The following CRISPLD2 variants were observed in gnomAD, a reference collection of about 807,000 sequenced individuals.
CRISPLD2 encodes the protein cysteine rich secretory protein LCCL domain containing 2.
Under a neutral mutation model 71.1 loss-of-function variants are expected in CRISPLD2, and 47 were observed. The observed-to-expected ratio is 0.66, with a 90% confidence interval of 0.52 to 0.84. CRISPLD2 has a LOEUF of 0.84. Ranked by LOEUF, CRISPLD2 falls within the 40% of genes least tolerant of loss-of-function variation. The pLI, the probability that CRISPLD2 is intolerant of heterozygous loss-of-function variation, is 0.00. For missense variants in CRISPLD2, 830 were observed against 651.1 expected (o/e 1.27, Z -2.99); for synonymous variants, 317 against 250.1 (o/e 1.27, Z -2.52).
intron 14 of CRISPLD2, among the ~76,000 whole-genome samples, chr16:84,889,732 G>T (rs910594208): frequency 1.3e-5 from 2 of 150,524 alleles, no homozygotes; most frequent in African/African-American, 4.9e-5. Context: ...CTTGGCGTGC[G>T]TCCTTCCGGT....
chr16:84,888,283 C>G (rs963961038), intron 13 of CRISPLD2, among the ~76,000 whole-genome samples: 121 of 152,220 alleles, frequency 7.9e-4, no homozygotes, highest in African/African-American at 2.8e-3. Flanking sequence ...CCTGTCATCC[C>G]AGCACTTTGA....
At chr16:84,872,848 A>C (rs773494107) in intron 9 of CRISPLD2, 144 bp from the exon 10 acceptor site, 168 of 1,026,474 alleles carry the variant, frequency 1.6e-4, no homozygotes, top group Non-Finnish European at 2.1e-4. Flanking sequence ...GGTTACAGAC[A>C]GAGGCGAGAG....
At chr16:84,851,079 G>A (rs917253783) in intron 5 of CRISPLD2, among the ~76,000 whole-genome samples, 13 of 152,194 alleles carry the variant, frequency 8.5e-5, no homozygotes, top group African/African-American at 2.9e-4. Flanking sequence ...TTTGCAAGAC[G>A]TCCTCTGGGA....
At chr16:84,886,626 C>T (rs1159201902) in intron 13 of CRISPLD2, among the ~76,000 whole-genome samples, 1 of 152,102 alleles carries the variant, frequency 6.6e-6, no homozygotes, top group Non-Finnish European at 1.5e-5. Context: ...AGTTTGAGAC[C>T]AGCCTGAGCA....
intron 5 of CRISPLD2, among the ~76,000 whole-genome samples, chr16:84,853,673 C>G (rs977851710): frequency 2.6e-5 from 4 of 152,230 alleles, no homozygotes; most frequent in African/African-American, 9.6e-5. Context: ...GGGCCCCTCC[C>G]CATCTTCCCT....
intron 13 of CRISPLD2, among the ~76,000 whole-genome samples, chr16:84,884,230 C>A (rs2071592567): frequency 6.6e-6 from 1 of 152,188 alleles, no homozygotes; most frequent in African/African-American, 2.4e-5. Flanking sequence ...CTCCGGGTGG[C>A]AGTCCCGCCT....
intron 2 of CRISPLD2, among the ~76,000 whole-genome samples, chr16:84,844,564 T>C (rs1916859236): frequency 6.6e-6 from 1 of 152,052 alleles, no homozygotes; most frequent in African/African-American, 2.4e-5. Context: ...GGTTTCACTA[T>C]GTTGGGCAGG....
intron 11 of CRISPLD2, among the ~76,000 whole-genome samples, chr16:84,876,713 A>AACTCAGGGGT (rs1832656994): frequency 6.6e-6 from 1 of 152,094 alleles, no homozygotes; most frequent in Admixed American, 6.6e-5. Context: ...GAATCAGTTG[A>AACTCAGGGGT]ACTCAGGGGT....
At chr16:84,886,616 A>G (rs2071616088) in intron 13 of CRISPLD2, among the ~76,000 whole-genome samples, 1 of 152,138 alleles carries the variant, frequency 6.6e-6, no homozygotes, top group Non-Finnish European at 1.5e-5. Context: ...TGAGGCCAGG[A>G]GTTTGAGACC....
chr16:84,889,503 G>C, intron 14 of CRISPLD2, 140 bp downstream of exon 14: 1 of 756,286 alleles, frequency 1.3e-6, no homozygotes, highest in East Asian at 3.2e-5. Flanking sequence ...AGGACTCCCA[G>C]GTAAGAGACT....
intron 14 of CRISPLD2, among the ~76,000 whole-genome samples, chr16:84,896,555 C>A (rs972722182): frequency 6.6e-6 from 1 of 152,078 alleles, no homozygotes; most frequent in African/African-American, 2.4e-5. Context: ...TACTAACTTC[C>A]TTGTAAAATA....
intron 8 of CRISPLD2, among the ~76,000 whole-genome samples, chr16:84,870,467 A>G (rs1225968235): frequency 2.0e-5 from 3 of 151,968 alleles, no homozygotes; most frequent in African/African-American, 7.2e-5. Context: ...CTACAGGCAC[A>G]CGCCACCATG....
intron 1 of CRISPLD2, among the ~76,000 whole-genome samples, chr16:84,837,630 GA>G (rs1916656803): frequency 6.6e-6 from 1 of 152,062 alleles, no homozygotes; most frequent in Non-Finnish European, 1.5e-5. Flanking sequence ...TGTTAGCCAG[GA>G]TGGTCTCGAT....
intron 14 of CRISPLD2, among the ~76,000 whole-genome samples, chr16:84,891,405 C>T (rs955266621): frequency 6.6e-6 from 1 of 152,150 alleles, no homozygotes; most frequent in African/African-American, 2.4e-5. Context: ...CCCGGGACCC[C>T]TGCCCGGTGA....
chr16:84,851,882 C>G (rs895663878), intron 5 of CRISPLD2, among the ~76,000 whole-genome samples: 1 of 152,254 alleles, frequency 6.6e-6, no homozygotes, highest in African/African-American at 2.4e-5. Flanking sequence ...AAAATATACT[C>G]ATCTGAAGTA....
chr16:84,841,863 G>C (rs1916780477), intron 2 of CRISPLD2: 1 of 152,440 alleles, frequency 6.6e-6, no homozygotes, highest in African/African-American at 2.4e-5. Context: ...CCAAAGTGCT[G>C]GGATTACAGG....
intron 1 of CRISPLD2, chr16:84,836,430 G>A (rs765077482): frequency 7.2e-5 from 11 of 152,192 alleles, no homozygotes; most frequent in Non-Finnish European, 1.6e-4. Context: ...CTTCCCAGTG[G>A]GACGAGTAAG....
chr16:84,879,520 G>T (rs377403318), intron 12 of CRISPLD2, among the ~76,000 whole-genome samples: 89 of 152,222 alleles, frequency 5.8e-4, no homozygotes, highest in African/African-American at 2.1e-3. Flanking sequence ...GCACCACCAC[G>T]CCTGGCTAAT....
intron 1 of CRISPLD2, among the ~76,000 whole-genome samples, chr16:84,827,396 C>T (rs1394039896): frequency 6.6e-6 from 1 of 151,994 alleles, no homozygotes; most frequent in Non-Finnish European, 1.5e-5. Context: ...GAGTCCTCAC[C>T]GTGGCCTTCA....
Sources: gnomAD v4.1 joint callset for allele counts (sites outside exome capture counted in the v4.1 genomes callset) on GRCh38, gnomAD v4.1.1 for gene constraint, MANE v1.5 for transcripts, NCBI Gene and HGNC (gene_info 2026-07-23, HGNC 2026-07-21) for gene names.